Variants in FAM107B observed in about 807,000 individuals in gnomAD.
FAM107B encodes the protein protein FAM107B.
In FAM107B, 21 loss-of-function variants were observed where a neutral mutation model predicts 31.5. The observed-to-expected ratio is 0.67, with a 90% CI of 0.47 to 0.96. FAM107B has a LOEUF of 0.96. Among genes scored for constraint, FAM107B ranks in the 40% least tolerant of loss-of-function variants. The pLI, the probability that FAM107B is intolerant of heterozygous loss-of-function variation, is 0.00. For missense variants in FAM107B, 452 were observed against 377.1 expected (o/e 1.20, Z -1.64); for synonymous variants, 157 against 141.5 (o/e 1.11, Z -0.78).
At position 14,530,379 on chromosome 10, in the gene FAM107B, G is replaced by C; in HGVS notation, c.606C>G (p.Ser202=). 3.7e-6 allele frequency: 6 copies of C among 1,613,928 alleles called. No homozygotes were observed. Among genetic ancestry groups the C allele is most frequent in the Non-Finnish European group, 3.4e-6 (4 of 1,179,960 alleles). Reference sequence around the variant, plus strand: ...CTCTGTGAAGATCTTGATGGTTCCGGGAGGTTTTTACAGGATTGATCAGTT... The same window carrying C: ...CTCTGTGAAGATCTTGATGGTTCCGCGAGGTTTTTACAGGATTGATCAGTT... ...PQKLINPVKT[S]RNHQDLHREL... is the part of the protein sequence containing the mutation. Residue 202 remains serine, a synonymous_variant, in exon 3 of 5, where the codon TCC becomes TCG. Transcript: ENST00000181796.
chr10:14,770,059 T>C (rs1038868254), intron 1 of FAM107B, among the ~76,000 whole-genome samples: 1 of 152,154 alleles, frequency 6.6e-6, no homozygotes, highest in Non-Finnish European at 1.5e-5. Context: ...TTGTATTCCA[T>C]CCGGTGCTGA....
intron 2 of FAM107B, among the ~76,000 whole-genome samples, chr10:14,545,767 A>G (rs1195357324): frequency 6.6e-6 from 1 of 152,286 alleles, no homozygotes; most frequent in Non-Finnish European, 1.5e-5. Context: ...AATTGGTAAA[A>G]TAAAGTTATC....
At chr10:14,687,511 C>T (rs1307078741) in intron 1 of FAM107B, among the ~76,000 whole-genome samples, 1 of 152,262 alleles carries the variant, frequency 6.6e-6, no homozygotes, top group South Asian at 2.1e-4. Context: ...GGAATTCTGT[C>T]ACCTTGTACA....
At chr10:14,694,150 G>A (rs1189993378) in intron 1 of FAM107B, among the ~76,000 whole-genome samples, 3 of 152,188 alleles carry the variant, frequency 2.0e-5, no homozygotes, top group Non-Finnish European at 4.4e-5. Flanking sequence ...CCATAGCTTA[G>A]CTAGTAGGAA....
chr10:14,651,876 A>G (rs1467753924), intron 2 of FAM107B, among the ~76,000 whole-genome samples: 1 of 152,212 alleles, frequency 6.6e-6, no homozygotes, highest in Non-Finnish European at 1.5e-5. Flanking sequence ...AACCCAAACC[A>G]GAGTGTGATA....
At chr10:14,549,149 C>T (rs571180747) in intron 2 of FAM107B, among the ~76,000 whole-genome samples, 82 of 152,310 alleles carry the variant, frequency 5.4e-4, no homozygotes, top group African/African-American at 1.9e-3. Flanking sequence ...CTAGCCTCCA[C>T]AAGTGTGAGG....
rs185965930 is a variant in FAM107B, at chr10:14,702,263, C to A, written c.412-34572G>T. On this transcript the variant is annotated intron_variant, in intron 1 of 4. Transcript: ENST00000181796. ...CTTAGGCTCAGCATTTTTCCTAAGACAAATGAAGTTAAATTAACCTTTTGC... is the reference window on the plus strand; with the variant it reads ...CTTAGGCTCAGCATTTTTCCTAAGAAAAATGAAGTTAAATTAACCTTTTGC... 1.2e-4 allele frequency among the ~76,000 whole-genome samples: 19 copies of A among 152,344 alleles called. No homozygotes were observed. In the East Asian group the frequency reaches 3.1e-3, roughly 25 times the overall value.
intron 3 of FAM107B, among the ~76,000 whole-genome samples, chr10:14,528,495 A>C (rs1031960655): frequency 1.3e-5 from 2 of 152,130 alleles, no homozygotes; most frequent in Non-Finnish European, 2.9e-5. Flanking sequence ...TTTAATTTTT[A>C]TAAGAAAAAT....
intron 2 of FAM107B, among the ~76,000 whole-genome samples, chr10:14,568,571 T>C (rs74979727): frequency 9.8e-5 from 8 of 81,620 alleles, no homozygotes; most frequent in Middle Eastern, 6.4e-3. Flanking sequence ...AAGAGGAGGC[T>C]GGCTGATGAT....
intron 2 of FAM107B, among the ~76,000 whole-genome samples, chr10:14,589,702 G>A (rs564586684): frequency 2.0e-4 from 31 of 152,144 alleles, no homozygotes; most frequent in Non-Finnish European, 3.1e-4. Context: ...AAATGTATGC[G>A]GGGCTTAAAA....
At chr10:14,726,612 A>G (rs538172037) in intron 1 of FAM107B, among the ~76,000 whole-genome samples, 2 of 152,332 alleles carry the variant, frequency 1.3e-5, no homozygotes, top group South Asian at 4.1e-4. Context: ...TGGCAGCTAG[A>G]AATCTATACA....
At chr10:14,697,225 G>T (rs561668296) in intron 1 of FAM107B, among the ~76,000 whole-genome samples, 1 of 152,140 alleles carries the variant, frequency 6.6e-6, no homozygotes, top group Non-Finnish European at 1.5e-5. Flanking sequence ...TGCCTCTGCC[G>T]CTTCATCAGC....
At chr10:14,663,887 CAAAAAAAAAA>C (rs3035297) in intron 2 of FAM107B, among the ~76,000 whole-genome samples, 109 of 80,390 alleles carry the variant, frequency 1.4e-3, no homozygotes, top group African/African-American at 5.7e-3. Context: ...GATCATCAGC[CAAAAAAAAAA>C]AAAAAAAAAA....
At chr10:14,770,447 C>A (rs974385975) in intron 1 of FAM107B, among the ~76,000 whole-genome samples, 1 of 151,964 alleles carries the variant, frequency 6.6e-6, no homozygotes, top group Admixed American at 6.6e-5. Context: ...TACTTGAACA[C>A]GGGAGGCAGA....
At chr10:14,658,918 G>A (rs1248183923) in intron 2 of FAM107B, among the ~76,000 whole-genome samples, 2 of 152,186 alleles carry the variant, frequency 1.3e-5, no homozygotes, top group African/African-American at 4.8e-5. Flanking sequence ...TGTGGATAGT[G>A]ACAAGTGGTT....
chr10:14,743,604 A>G (rs1341095142), intron 1 of FAM107B, among the ~76,000 whole-genome samples: 1 of 152,204 alleles, frequency 6.6e-6, no homozygotes, highest in Non-Finnish European at 1.5e-5. Flanking sequence ...CATTTATTAA[A>G]TAGGAAATCA....
intron 2 of FAM107B, among the ~76,000 whole-genome samples, chr10:14,619,496 T>C (rs539429383): frequency 1.5e-4 from 23 of 152,354 alleles, no homozygotes; most frequent in African/African-American, 5.5e-4. Context: ...GAAGCTTCTG[T>C]TCCAGTCTTT....
At chr10:14,540,821 A>G (rs1010159721) in intron 2 of FAM107B, among the ~76,000 whole-genome samples, 12 of 152,222 alleles carry the variant, frequency 7.9e-5, no homozygotes, top group Admixed American at 4.6e-4. Context: ...TTTACTCACG[A>G]TTTATTGAAG....
chr10:14,565,957 G>A (rs528853018), intron 2 of FAM107B, among the ~76,000 whole-genome samples: 16 of 152,304 alleles, frequency 1.1e-4, no homozygotes, highest in African/African-American at 3.4e-4. Flanking sequence ...TGTGGAACTC[G>A]CAGCAGGGCG....
Sources: allele counts gnomAD v4.1 joint callset (sites outside exome capture counted in the v4.1 genomes callset), GRCh38; gene constraint gnomAD v4.1.1; transcripts MANE v1.5; gene names NCBI Gene and HGNC (gene_info 2026-07-23, HGNC 2026-07-21).